B4GALT1: variants seen among roughly 807,000 people sequenced by gnomAD.
B4GALT1 encodes the protein N-acetyllactosamine synthase.
In B4GALT1, 16 loss-of-function variants were observed where a neutral mutation model predicts 34.9. The observed-to-expected ratio is 0.46, with a 90% CI of 0.31 to 0.70. The LOEUF (loss-of-function observed/expected upper bound fraction) is 0.70. Ranked by LOEUF, B4GALT1 falls within the 30% of genes least tolerant of loss-of-function variation. The pLI is 0.05. For missense variants in B4GALT1, 445 were observed against 530.5 expected, an observed-to-expected ratio of 0.84 and a Z score of 1.58; for synonymous variants, 221 against 218.1, an observed-to-expected ratio of 1.01 and a Z score of -0.12.
chr9:33,119,370 T>C (rs1423462134), intron 3 of B4GALT1, among the ~76,000 whole-genome samples: 1 of 152,154 alleles, frequency 6.6e-6, no homozygotes, highest in African/African-American at 2.4e-5. Flanking sequence ...AATTTGGGCT[T>C]TGTATTTAAG....
chr9:33,135,503 C>A, intron 1 of B4GALT1, 79 bp from the exon 2 acceptor site: 1 of 1,326,544 alleles, frequency 7.5e-7, no homozygotes, highest in Non-Finnish European at 1.1e-6. Flanking sequence ...GATGGCCAGG[C>A]TGCAGCTGCA....
At chr9:33,131,728 A>C (rs1416218461) in intron 2 of B4GALT1, among the ~76,000 whole-genome samples, 1 of 152,254 alleles carries the variant, frequency 6.6e-6, no homozygotes, top group Non-Finnish European at 1.5e-5. Flanking sequence ...ACAGTGCAGA[A>C]AGGTCAAAAC....
the B4GALT1 span, among the ~76,000 whole-genome samples, chr9:33,181,028 A>C: frequency 6.6e-6 from 1 of 152,202 alleles, no homozygotes; most frequent in Non-Finnish European, 1.5e-5. Flanking sequence ...CAAATGCAGC[A>C]CTGTGATCTG....
chr9:33,112,268 C>T lies in B4GALT1; in HGVS notation c.*1186G>A, dbSNP rs771909430. The T allele has an allele frequency of 1.3e-5, 2 of 152,282 alleles. No individual in the cohort carries two copies. The highest frequency in any genetic ancestry group is 1.5e-5 in the Non-Finnish European group (1 of 68,096). 9.4% of individuals were successfully genotyped at this position (152,282 alleles called of 1,614,324 possible). A position where few individuals can be genotyped will look rare whatever the true frequency, so the allele number is the denominator to read the frequency against. On this transcript the variant is annotated 3_prime_UTR_variant, in exon 6 of 6. Transcript: ENST00000379731. The stretch of plus-strand genomic sequence containing the variant: ...ACCTGACTGCTGTTATTTACAACCC[C>T]CCAGCCTAGGGGCCTGAGGGGTCAG...
intron 1 of B4GALT1, among the ~76,000 whole-genome samples, chr9:33,138,203 T>C (rs1311930122): frequency 1.3e-5 from 2 of 152,084 alleles, no homozygotes; most frequent in Non-Finnish European, 2.9e-5. Flanking sequence ...AGAAAGGTGG[T>C]CCTGAAGTCA....
At chr9:33,153,775 A>G (rs1245970089) in intron 1 of B4GALT1, among the ~76,000 whole-genome samples, 1 of 152,128 alleles carries the variant, frequency 6.6e-6, no homozygotes, top group Non-Finnish European at 1.5e-5. Flanking sequence ...GCTACCAGAT[A>G]TTTAAAGAAG....
chr9:33,107,597 G>C (rs1188303853), downstream of B4GALT1, among the ~76,000 whole-genome samples: 2 of 152,218 alleles, frequency 1.3e-5, no homozygotes, highest in East Asian at 3.8e-4. Flanking sequence ...TTCTCCCATG[G>C]AAAAGAGGTG....
At chr9:33,126,342 T>C (rs372042666) in intron 2 of B4GALT1, among the ~76,000 whole-genome samples, 11 of 152,198 alleles carry the variant, frequency 7.2e-5, no homozygotes, top group East Asian at 5.8e-4. Context: ...AGAGAATTAC[T>C]GGAAACAGCC....
At chr9:33,158,665 G>A (rs969678690) in intron 1 of B4GALT1, among the ~76,000 whole-genome samples, 1 of 152,148 alleles carries the variant, frequency 6.6e-6, no homozygotes, top group East Asian at 1.9e-4. Flanking sequence ...TAAAATCAAC[G>A]TCTGGAAGAG....
chr9:33,121,279 A>G (rs1009559298), intron 2 of B4GALT1, among the ~76,000 whole-genome samples: 1 of 152,278 alleles, frequency 6.6e-6, no homozygotes, highest in African/African-American at 2.4e-5. Flanking sequence ...TGTGCAAGAC[A>G]GAAGAGGGAC....
chr9:33,104,763 GTCT>G (rs1303058934), exon 3 of B4GALT1: 3 of 455,572 alleles, frequency 6.6e-6, no homozygotes, highest in Non-Finnish European at 1.3e-5. Flanking sequence ...CACCACAGGA[GTCT>G]TCTTATTTTT....
intron 1 of B4GALT1, among the ~76,000 whole-genome samples, chr9:33,164,623 G>A (rs191764188): frequency 3.3e-5 from 5 of 152,294 alleles, no homozygotes; most frequent in East Asian, 1.9e-4. Flanking sequence ...GTGACAAGCC[G>A]ATCACTAGCA....
intron 2 of B4GALT1, among the ~76,000 whole-genome samples, chr9:33,123,254 G>A (rs905027471): frequency 7.4e-6 from 1 of 135,632 alleles, no homozygotes. Context: ...CTCCAGCCTG[G>A]GCAACAGAGC....
chr9:33,105,610 C>A (rs1019005319), intron 2 of B4GALT1, among the ~76,000 whole-genome samples: 1 of 152,182 alleles, frequency 6.6e-6, no homozygotes, highest in Non-Finnish European at 1.5e-5. Flanking sequence ...ACTCATTAAA[C>A]AATAACTCCC....
intron 2 of B4GALT1, among the ~76,000 whole-genome samples, chr9:33,127,411 A>C (rs1840128924): frequency 6.6e-6 from 1 of 152,256 alleles, no homozygotes. Context: ...TTAAGATACA[A>C]GTTGGAGAAA....
At chr9:33,136,577 G>A (rs1025966981) in intron 1 of B4GALT1, among the ~76,000 whole-genome samples, 1 of 152,186 alleles carries the variant, frequency 6.6e-6, no homozygotes, top group Non-Finnish European at 1.5e-5. Context: ...GCAAAGTCAC[G>A]ACACACACCA....
Position 33,113,495 on chromosome 9 carries a change from A to G in B4GALT1, c.1156T>C (p.Leu386=), listed in dbSNP as rs141636715. 81 of 1,614,242 alleles carry G rather than the reference A, an allele frequency of 5.0e-5. No individual in the cohort carries two copies. Among genetic ancestry groups the G allele is most frequent in the African/African-American group, 2.7e-5 (2 of 75,068 alleles). The change falls in exon 6 of 6, where the codon TTG becomes CTG. Residue 386 remains leucine (L), a synonymous_variant. Transcript: ENST00000379731. ...YQVLDVQRYP[L]YTQITVDIGT... ...ATGTCCACTGTGATTTGGGTATACA[A>G]TGGGTATCTCTGTACATCCAGCACC... is the stretch of plus-strand genomic sequence containing the variant.
chr9:33,128,278 A>C (rs969175074), intron 2 of B4GALT1, among the ~76,000 whole-genome samples: 2 of 152,238 alleles, frequency 1.3e-5, no homozygotes, highest in Admixed American at 1.3e-4. Context: ...AAAAGGGTGG[A>C]TGCAAGGGAG....
chr9:33,164,355 C>A (rs1337723535), intron 1 of B4GALT1, among the ~76,000 whole-genome samples: 1 of 152,212 alleles, frequency 6.6e-6, no homozygotes, highest in Non-Finnish European at 1.5e-5. Flanking sequence ...TTTCTCAAGG[C>A]CTCATAGCCA....
Sources: gnomAD v4.1 joint callset for allele counts (sites outside exome capture counted in the v4.1 genomes callset) on GRCh38, gnomAD v4.1.1 for gene constraint, MANE v1.5 for transcripts, NCBI Gene and HGNC (gene_info 2026-07-23, HGNC 2026-07-21) for gene names.